The following EPHA6 variants were observed in gnomAD, a reference collection of about 807,000 sequenced individuals.
EPHA6 encodes the protein EPH receptor A6, also known as ephrin type-A receptor 6.
A neutral mutation model predicts 112.0 loss-of-function variants in EPHA6; 50 were observed. That is an observed-to-expected ratio of 0.45 (90% confidence interval 0.36 to 0.56). EPHA6 has a LOEUF of 0.56. Among genes scored for constraint, EPHA6 ranks in the 20% least tolerant of loss-of-function variants. The pLI, the probability that EPHA6 is intolerant of heterozygous loss-of-function variation, is 0.00. For synonymous variants in EPHA6, 529 were observed against 490.7 expected (o/e 1.08, Z -1.03); for missense variants, 1,280 against 1,417.4 (o/e 0.90, Z 1.56).
chr3:97,023,598 A>T (rs138271922), intron 3 of EPHA6, among the ~76,000 whole-genome samples: 1 of 151,996 alleles, frequency 6.6e-6, no homozygotes, highest in Non-Finnish European at 1.5e-5. Context: ...ACTAATATCT[A>T]TTATCAGGGA....
intron 2 of EPHA6, among the ~76,000 whole-genome samples, chr3:96,908,576 T>G (rs1241940428): frequency 6.6e-6 from 1 of 151,912 alleles, no homozygotes; most frequent in African/African-American, 2.4e-5. Context: ...CGTGCCGATT[T>G]CAGTGGTTTC....
chr3:97,039,342 G>C (rs2045230014), intron 3 of EPHA6, among the ~76,000 whole-genome samples: 1 of 152,062 alleles, frequency 6.6e-6, no homozygotes, highest in Admixed American at 6.6e-5. Context: ...AAAAATGTGA[G>C]TTAAAATGAA....
chr3:97,366,320 T>C (rs534084214), intron 5 of EPHA6, among the ~76,000 whole-genome samples: 1 of 152,142 alleles, frequency 6.6e-6, no homozygotes, highest in South Asian at 2.1e-4. Context: ...CTTCAGCAAA[T>C]ATTTATTCAG....
chr3:97,019,727 T>G (rs2044386183), intron 3 of EPHA6, among the ~76,000 whole-genome samples: 3 of 152,132 alleles, frequency 2.0e-5, no homozygotes, highest in Admixed American at 1.3e-4. Context: ...ATAGAACAGA[T>G]TTAATTTATC....
intron 2 of EPHA6, among the ~76,000 whole-genome samples, chr3:96,937,009 T>C (rs2040625854): frequency 6.6e-6 from 1 of 152,234 alleles, no homozygotes; most frequent in Non-Finnish European, 1.5e-5. Context: ...AAGTCTATCC[T>C]TGTTGGATAT....
intron 15 of EPHA6, among the ~76,000 whole-genome samples, chr3:97,727,849 A>T (rs1252232751): frequency 6.6e-6 from 1 of 152,052 alleles, no homozygotes; most frequent in Non-Finnish European, 1.5e-5. Flanking sequence ...GGCAAGAATA[A>T]TAGGGAATAT....
chr3:96,852,117 G>T (rs548816021), intron 1 of EPHA6, among the ~76,000 whole-genome samples: 59 of 152,218 alleles, frequency 3.9e-4, no homozygotes, highest in Non-Finnish European at 8.2e-4. Flanking sequence ...TTTTGGAGTT[G>T]ATCTGGAGCA....
intron 14 of EPHA6, among the ~76,000 whole-genome samples, chr3:97,696,107 C>A (rs1221601904): frequency 6.6e-6 from 1 of 152,176 alleles, no homozygotes. Flanking sequence ...ATTAGAATAG[C>A]CAGACACCAT....
chr3:97,088,823 C>T lies in EPHA6; in HGVS notation c.1114+100830C>T, dbSNP rs542946524. Among the ~76,000 whole-genome samples, 162 of 152,186 alleles carry T rather than the reference C, an allele frequency of 1.1e-3. 1 individual carries two copies. The highest frequency in any genetic ancestry group is 3.7e-3 in the African/African-American group (153 of 41,540). On this transcript the variant is annotated intron_variant, in intron 3 of 17. Transcript: ENST00000389672. ...TGCTAATAAATGTTGGTCACTCTACCAGTGCTTGGTTGGCTTTATTGCTCA... is the reference window on the plus strand; with the variant it reads ...TGCTAATAAATGTTGGTCACTCTACTAGTGCTTGGTTGGCTTTATTGCTCA...
At chr3:97,218,790 A>T (rs1262141273) in intron 3 of EPHA6, among the ~76,000 whole-genome samples, 1 of 152,188 alleles carries the variant, frequency 6.6e-6, no homozygotes, top group Non-Finnish European at 1.5e-5. Context: ...TTCCAGCATT[A>T]ACCCAAAATT....
At chr3:97,309,784 G>A (rs2081471537) in intron 5 of EPHA6, among the ~76,000 whole-genome samples, 1 of 151,508 alleles carries the variant, frequency 6.6e-6, no homozygotes, top group Non-Finnish European at 1.5e-5. Flanking sequence ...AGACCCTGGG[G>A]AAAATGTCTA....
chr3:97,658,887 G>A (rs2094152638), intron 14 of EPHA6, among the ~76,000 whole-genome samples: 1 of 151,858 alleles, frequency 6.6e-6, no homozygotes, highest in South Asian at 2.1e-4. Flanking sequence ...GTGAATGAAT[G>A]GAACCCAGGA....
intron 3 of EPHA6, among the ~76,000 whole-genome samples, chr3:97,025,503 T>C (rs1433913733): frequency 2.0e-5 from 3 of 152,186 alleles, no homozygotes; most frequent in Non-Finnish European, 2.9e-5. Flanking sequence ...TATATCCTAG[T>C]TTTTGCTTTT....
At chr3:97,351,016 G>T (rs1177654747) in intron 5 of EPHA6, among the ~76,000 whole-genome samples, 1 of 152,056 alleles carries the variant, frequency 6.6e-6, no homozygotes. Context: ...TCTTCAACTT[G>T]CCATCCATTC....
chr3:97,515,456 T>C (rs943697376), intron 10 of EPHA6, among the ~76,000 whole-genome samples: 6 of 152,220 alleles, frequency 3.9e-5, no homozygotes, highest in South Asian at 2.1e-4. Context: ...ATTTTTTTTA[T>C]TACATTTGAT....
intron 3 of EPHA6, among the ~76,000 whole-genome samples, chr3:97,143,885 G>C (rs1030155686): frequency 6.6e-6 from 1 of 151,644 alleles, no homozygotes. Context: ...TGTGTATTCA[G>C]GGAGGTAAAA....
intron 16 of EPHA6, among the ~76,000 whole-genome samples, chr3:97,740,861 C>G (rs1051902673): frequency 1.3e-5 from 2 of 152,040 alleles, no homozygotes; most frequent in South Asian, 2.1e-4. Context: ...TTGTTTATCT[C>G]TATACACCAA....
intron 5 of EPHA6, among the ~76,000 whole-genome samples, chr3:97,322,285 G>T (rs2082157271): frequency 6.6e-6 from 1 of 151,992 alleles, no homozygotes; most frequent in South Asian, 2.1e-4. Context: ...ACTAGCTAAA[G>T]TAAAAATGAA....
chr3:97,388,637 G>A (rs189166378), intron 5 of EPHA6, among the ~76,000 whole-genome samples: 10 of 152,200 alleles, frequency 6.6e-5, no homozygotes, highest in Non-Finnish European at 1.2e-4. Context: ...TCTTCTCTTT[G>A]GTAATGGGAG....
Sources: allele counts gnomAD v4.1 joint callset (sites outside exome capture counted in the v4.1 genomes callset), GRCh38; gene constraint gnomAD v4.1.1; transcripts MANE v1.5; gene names NCBI Gene and HGNC (gene_info 2026-07-23, HGNC 2026-07-21).